Variants in THADA observed in about 807,000 individuals in gnomAD.
The protein encoded by THADA is tRNA (32-2'-O)-methyltransferase regulator THADA.
THADA carries 213 observed loss-of-function variants against 219.8 expected under a neutral mutation model. The ratio of observed to expected loss-of-function variants is 0.97; its 90% CI spans 0.87 to 1.09. The LOEUF is 1.09. Ranked by LOEUF, THADA falls within the 50% of genes least tolerant of loss-of-function variation. The pLI, the probability that THADA is intolerant of heterozygous loss-of-function variation, is 0.00. For synonymous variants in THADA, 1,018 were observed against 828.9 expected, an observed-to-expected ratio of 1.23 and a Z score of -3.92; for missense variants, 2,956 against 2,311.3, an observed-to-expected ratio of 1.28 and a Z score of -5.72.
At chr2:43,528,125 GC>G in intron 21 of THADA, 137 bp from the exon 22 acceptor site, 66 of 238,876 alleles carry the variant, frequency 2.8e-4, no homozygotes, top group South Asian at 1.2e-3. Context: ...CATGTTTTAA[GC>G]TTTTTTTTTT....
Position 43,293,109 on chromosome 2 carries a change from A to G in THADA, c.4543T>C (p.Tyr1515His). ...GCTAGTCTGGTGAGGCTCTGGAGGTACTGGGGCAGGCCTGGCACCTTGAAG... is the reference window on the plus strand; with the variant it reads ...GCTAGTCTGGTGAGGCTCTGGAGGTGCTGGGGCAGGCCTGGCACCTTGAAG... ...WAFKVPGLPQ[Y>H]LQSLTRLAIA... Residue 1515 changes from tyrosine (Y) to histidine (H), a missense_variant, in exon 32 of 38, where the codon TAC becomes CAC. Transcript: ENST00000405975. 1 of 1,614,008 alleles carries G rather than the reference A, an allele frequency of 6.2e-7. No individual in the cohort carries two copies. The highest frequency in any genetic ancestry group is 1.6e-4 in the Middle Eastern group (1 of 6,062).
intron 31 of THADA, among the ~76,000 whole-genome samples, chr2:43,318,623 T>A (rs1490252693): frequency 6.6e-6 from 1 of 152,194 alleles, no homozygotes; most frequent in Admixed American, 6.5e-5. Context: ...TTTTTAGAGC[T>A]ATGGTTGTCA....
chr2:43,453,476 A>G lies in THADA; in HGVS notation c.3837-23174T>C, dbSNP rs113270014. On this transcript the variant is annotated intron_variant, in intron 26 of 37. Transcript: ENST00000405975. ...TTGAGAGCTAGAAAACTAATCTGGA[A>G]TAAGTATAACTCATTATTGCTATTA... Among the ~76,000 whole-genome samples the G allele has an allele frequency of 9.4e-3, 1,437 of 152,352 alleles. 19 individuals are homozygous for G. The highest frequency in any genetic ancestry group is 0.031 in the African/African-American group (1,298 of 41,580).
chr2:43,375,352 C>CT (rs1172137187), intron 29 of THADA, among the ~76,000 whole-genome samples: 1 of 152,150 alleles, frequency 6.6e-6, no homozygotes, highest in Non-Finnish European at 1.5e-5. Flanking sequence ...GTCAATGAAA[C>CT]TATCAATGGA....
At position 43,560,365 on chromosome 2, in the gene THADA, G is replaced by A. The variant is rs1697911095; in HGVS notation, c.2332C>T (p.Gln778Ter). Residue 778 changes from glutamine to a stop codon, truncating the protein, a stop_gained, in exon 16 of 38, where the codon CAG becomes TAG. Coordinates refer to ENST00000405975, the MANE Select transcript of THADA (RefSeq NM_022065.5). LOFTEE classifies it high-confidence loss of function. The stretch of plus-strand genomic sequence containing the variant: ...CCAACATCAATATCATGACTCAGCT[G>A]ATATACTGTATAAATTCTGCCTAAA... ...VPEGRIYTVY[Q>*]LSHDIDVGRF... 2 of 1,593,358 alleles carry A rather than the reference G, an allele frequency of 1.3e-6. No homozygotes were observed. Among genetic ancestry groups the A allele is most frequent in the Non-Finnish European group, 1.7e-6 (2 of 1,171,894 alleles).
At chr2:43,265,980 C>T (rs1671474514) in intron 36 of THADA, among the ~76,000 whole-genome samples, 1 of 122,314 alleles carries the variant, frequency 8.2e-6, no homozygotes. Flanking sequence ...CACACACACA[C>T]ACACACACAC....
chr2:43,319,702 T>C (rs1266864851), intron 31 of THADA, among the ~76,000 whole-genome samples: 1 of 152,166 alleles, frequency 6.6e-6, no homozygotes, highest in Non-Finnish European at 1.5e-5. Context: ...AATTCTAGCC[T>C]CCTTTAGACA....
chr2:43,279,884 G>C lies in THADA; in HGVS notation c.5177C>G (p.Thr1726Arg). ...NPHPILELQDTLALWKCVLTL... is the reference protein window; with the variant it reads ...NPHPILELQDRLALWKCVLTL... Reference sequence around the variant, plus strand: ...AAGGACACACTTCCAGAGAGCAAGTGTATCCTGCAACTCTAAGAAGACCAA... The same window carrying C: ...AAGGACACACTTCCAGAGAGCAAGTCTATCCTGCAACTCTAAGAAGACCAA... The change falls in exon 36 of 38, where the codon ACA becomes AGA. Residue 1726 changes from threonine to arginine, a missense_variant. Coordinates refer to ENST00000405975, the MANE Select transcript of THADA (RefSeq NM_022065.5). The C allele has an allele frequency of 6.5e-7, 1 of 1,543,300 alleles. No homozygotes were observed. The highest frequency in any genetic ancestry group is 1.4e-5 in the African/African-American group (1 of 72,010).
At chr2:43,554,005 A>T (rs1280455694) in intron 17 of THADA, among the ~76,000 whole-genome samples, 1 of 152,210 alleles carries the variant, frequency 6.6e-6, no homozygotes, top group Non-Finnish European at 1.5e-5. Flanking sequence ...TTCTTTATAT[A>T]TACTAGACAA....
At chr2:43,297,825 G>T (rs1675717007) in intron 31 of THADA, among the ~76,000 whole-genome samples, 1 of 126,276 alleles carries the variant, frequency 7.9e-6, no homozygotes, top group African/African-American at 3.5e-5. Flanking sequence ...GGGAGGTGGG[G>T]GGGGATCAGC....
intron 5 of THADA, 29 bp from the exon 6 acceptor site, chr2:43,586,763 G>A: frequency 1.2e-6 from 2 of 1,611,212 alleles, no homozygotes; most frequent in Admixed American, 1.7e-5. Flanking sequence ...ACACTGGTAA[G>A]GAGTTTCACG....
intron 28 of THADA, among the ~76,000 whole-genome samples, chr2:43,418,389 C>T (rs1329011051): frequency 6.6e-6 from 1 of 152,218 alleles, no homozygotes; most frequent in Non-Finnish European, 1.5e-5. Flanking sequence ...ACTGGGTATG[C>T]ATGAACACAG....
At chr2:43,421,789 A>G (rs1354588924) in intron 28 of THADA, among the ~76,000 whole-genome samples, 1 of 152,254 alleles carries the variant, frequency 6.6e-6, no homozygotes, top group Non-Finnish European at 1.5e-5. Flanking sequence ...ACAGTTACAG[A>G]AGTTACTTAA....
At chr2:43,439,053 GTC>G (rs1416445529) in intron 26 of THADA, among the ~76,000 whole-genome samples, 1 of 152,134 alleles carries the variant, frequency 6.6e-6, no homozygotes, top group Non-Finnish European at 1.5e-5. Context: ...CTTATGAACT[GTC>G]TCTTTCTGGT....
At chr2:43,338,598 A>T (rs1197488054) in intron 30 of THADA, among the ~76,000 whole-genome samples, 1 of 152,194 alleles carries the variant, frequency 6.6e-6, no homozygotes, top group Non-Finnish European at 1.5e-5. Flanking sequence ...TTGTATTAGC[A>T]GAATCATATA....
At chr2:43,436,782 C>T (rs576288961) in intron 26 of THADA, among the ~76,000 whole-genome samples, 2 of 152,192 alleles carry the variant, frequency 1.3e-5, no homozygotes, top group African/African-American at 4.8e-5. Flanking sequence ...CCTCAACTGA[C>T]GTAGGGATCT....
intron 36 of THADA, among the ~76,000 whole-genome samples, chr2:43,236,306 G>C (rs538516999): frequency 1.3e-5 from 2 of 152,340 alleles, no homozygotes; most frequent in Non-Finnish European, 2.9e-5. Context: ...CGGGGGGAAG[G>C]ATGAGTTGGA....
intron 36 of THADA, among the ~76,000 whole-genome samples, chr2:43,257,780 C>A (rs1259684496): frequency 2.0e-5 from 3 of 152,202 alleles, no homozygotes; most frequent in Admixed American, 1.3e-4. Context: ...TTAGTAATTA[C>A]AACCAACACT....
chr2:43,400,476 T>TATATATATATATATAAAA (rs903186497), intron 28 of THADA, among the ~76,000 whole-genome samples: 1 of 144,448 alleles, frequency 6.9e-6, no homozygotes, highest in African/African-American at 2.5e-5. Context: ...TATATATATA[T>TATATATATATATATAAAA]AAATATATAC....
Sources: allele counts gnomAD v4.1 joint callset (sites outside exome capture counted in the v4.1 genomes callset), GRCh38; gene constraint gnomAD v4.1.1; transcripts MANE v1.5; gene names NCBI Gene and HGNC (gene_info 2026-07-23, HGNC 2026-07-21).